The following RSPH4A variants were observed in gnomAD, a reference collection of about 807,000 sequenced individuals.
The protein encoded by RSPH4A is radial spoke head protein 4 homolog A.
In RSPH4A, 47 loss-of-function variants were observed where a neutral mutation model predicts 71.0. The observed-to-expected ratio is 0.66, with a 90% CI of 0.52 to 0.84. RSPH4A has a LOEUF of 0.84. Ranked by LOEUF, RSPH4A falls within the 40% of genes least tolerant of loss-of-function variation. The pLI, the probability that RSPH4A is intolerant of heterozygous loss-of-function variation, is 0.00. For missense variants in RSPH4A, 793 were observed against 855.2 expected (o/e 0.93, Z 0.91); for synonymous variants, 282 against 302.3 (o/e 0.93, Z 0.70).
chr6:116,632,297 C>T lies in RSPH4A; in HGVS notation c.2007C>T (p.Tyr669=), dbSNP rs1157598414. Residue 669 remains tyrosine (Y), a synonymous_variant, in exon 6 of 6, where the codon TAC becomes TAT. Transcript: ENST00000229554. ...TTCCACCACCAGTTTATCAAGAATA[C>T]CCCAGTGGACCAGAAATTACAGAAA... The part of the protein sequence containing the change: ...PPVPPPVYQE[Y]PSGPEITEMD... 3 of 1,613,344 alleles carry T rather than the reference C, an allele frequency of 1.9e-6. No homozygotes were observed. Among genetic ancestry groups the T allele is most frequent in the South Asian group, 1.1e-5 (1 of 91,052 alleles).
At position 116,616,892 on chromosome 6, in the gene RSPH4A, C is replaced by A. The variant is rs1468824108; in HGVS notation, c.269C>A (p.Pro90His). The change falls in exon 1 of 6, where the codon CCC (proline) becomes CAC (histidine). Residue 90 changes from proline to histidine, a missense_variant. Coordinates refer to ENST00000229554, the MANE Select transcript of RSPH4A (RefSeq NM_001010892.3). The stretch of plus-strand genomic sequence containing the variant: ...CCTGCTCCTGTCTCTCCGCGGGAGC[C>A]CTCTTCCTCTCCTTCTCCCCTGGCT... ...SSPAPVSPREPSSSPSPLAPA... is the reference protein window; with the variant it reads ...SSPAPVSPREHSSSPSPLAPA... The A allele has an allele frequency of 6.2e-7, 1 of 1,614,128 alleles. No homozygotes were observed. Among genetic ancestry groups the A allele is most frequent in the Non-Finnish European group, 8.5e-7 (1 of 1,180,026 alleles).
At chr6:116,624,015 A>C (rs1285484661) in intron 2 of RSPH4A, among the ~76,000 whole-genome samples, 1 of 152,204 alleles carries the variant, frequency 6.6e-6, no homozygotes, top group African/African-American at 2.4e-5. Context: ...ATATACTTGT[A>C]ATTTGTTCAC....
intron 2 of RSPH4A, 121 bp from the exon 3 acceptor site, chr6:116,627,508 A>G (rs1484121465): frequency 2.2e-6 from 2 of 897,888 alleles, no homozygotes; most frequent in East Asian, 2.5e-5. Flanking sequence ...TTTGATCTAA[A>G]TCTTGAGAGA....
In RSPH4A at chr6:116,622,913, C is replaced by T. The variant is rs962694294; in HGVS notation, c.832C>T (p.Leu278Phe). The T allele has an allele frequency of 2.2e-5, 36 of 1,613,680 alleles. No individual in the cohort carries two copies. Among genetic ancestry groups the T allele is most frequent in the Non-Finnish European group, 3.0e-5 (35 of 1,179,806 alleles). Residue 278 changes from leucine (L) to phenylalanine (F), a missense_variant, in exon 2 of 6, where the codon CTT (leucine) becomes TTT (phenylalanine). Physicochemically the swap from Leu to Phe is conservative, Grantham distance 22. Transcript: ENST00000229554. ...FDALQNENEL[L>F]PTYEIAEKQK... ...TGCACTACAAAATGAGAATGAGTTGCTTCCAACATATGAAATAGCAGAAAA... is the reference window on the plus strand; with the variant it reads ...TGCACTACAAAATGAGAATGAGTTGTTTCCAACATATGAAATAGCAGAAAA...
In RSPH4A at chr6:116,628,366, T is replaced by C; in HGVS notation, c.1659T>C (p.Ser553=). ...TTCATCATGTACAGCATATTCTCTC[T>C]CAGGTAGGAGCTTTGCACTTCTCAA... The part of the protein sequence containing the change: ...NWVHHVQHIL[S]QGRCNWFNSI... The change falls in exon 3 of 6, where the codon TCT becomes TCC. Residue 553 remains serine (S), a synonymous_variant. Transcript: ENST00000229554. The C allele has an allele frequency of 6.2e-7, 1 of 1,610,848 alleles. No homozygotes were observed. The highest frequency in any genetic ancestry group is 8.5e-7 in the Non-Finnish European group (1 of 1,177,620).
Position 116,632,252 on chromosome 6 carries a change from A to G in RSPH4A, c.1962A>G (p.Pro654=). Residue 654 remains proline (P), a synonymous_variant, in exon 6 of 6, where the codon CCA becomes CCG. Coordinates refer to ENST00000229554, the MANE Select transcript of RSPH4A (RefSeq NM_001010892.3). ...FYIGWGHKYS[P]DNYTPPVPPP... is the part of the protein sequence containing the mutation. ...TAGGCTGGGGTCATAAGTATAGTCC[A>G]GACAATTATACACCCCCAGTTCCAC... The G allele has an allele frequency of 6.2e-7, 1 of 1,612,282 alleles. No individual in the cohort carries two copies. Among genetic ancestry groups the G allele is most frequent in the Non-Finnish European group, 8.5e-7 (1 of 1,179,776 alleles).
At chr6:116,632,006 C>T (rs1775811983) in intron 5 of RSPH4A, among the ~76,000 whole-genome samples, 2 of 150,888 alleles carry the variant, frequency 1.3e-5, no homozygotes, top group South Asian at 2.1e-4. Context: ...TTTTTTTTAA[C>T]CAGCTTAGGC....
At chr6:116,622,072 A>C (rs784127) in intron 1 of RSPH4A, among the ~76,000 whole-genome samples, 1,551 of 152,332 alleles carry the variant, frequency 0.01, 18 homozygotes, top group Non-Finnish European at 0.014. Flanking sequence ...ATAGAACAAA[A>C]TATTAGAGTG....
At chr6:116,621,684 A>T (rs1017752151) in intron 1 of RSPH4A, among the ~76,000 whole-genome samples, 1 of 152,182 alleles carries the variant, frequency 6.6e-6, no homozygotes, top group African/African-American at 2.4e-5. Context: ...GAGAGAAATT[A>T]TATATATGGT....
At chr6:116,627,420 T>C (rs1775714137) in intron 2 of RSPH4A, among the ~76,000 whole-genome samples, 1 of 152,134 alleles carries the variant, frequency 6.6e-6, no homozygotes, top group Non-Finnish European at 1.5e-5. Flanking sequence ...AGTCTTGAAC[T>C]CCTGATCTCA....
rs751582126 is a variant in RSPH4A at position 116,629,602 on chromosome 6, TGAGGAAGAAGAA to T, written c.1710_1721del (p.Glu570_Glu573del). The stretch of plus-strand genomic sequence containing the variant: ...ATTGGTTCAACTCCATACAAAAAAA[TGAGGAAGAAGAA>T]GAGGAAGAAGATGAAGAAAAAGACG... On this transcript the variant is annotated inframe_deletion, in exon 4 of 6. Transcript: ENST00000229554. 1.4e-5 allele frequency: 23 copies of T among 1,612,758 alleles called. No individual in the cohort carries two copies. Among genetic ancestry groups the T allele is most frequent in the Non-Finnish European group, 2.0e-5 (23 of 1,178,958 alleles).
rs765312681 is a variant in RSPH4A, at chr6:116,627,953, G to A, written c.1246G>A (p.Ala416Thr). 1.2e-6 allele frequency: 2 copies of A among 1,614,150 alleles called. No homozygotes were observed. The highest frequency in any genetic ancestry group is 1.7e-6 in the Non-Finnish European group (2 of 1,180,024). ...AAAGTCCTTTTACAAGGCCCCACAG[G>A]CTATACCAAAAGAAGAAAGTAGAAC... ...LPKSFYKAPQ[A>T]IPKEESRTGA... Residue 416 changes from alanine (A) to threonine (T), a missense_variant, in exon 3 of 6, where the codon GCT becomes ACT. Physicochemically the swap from Ala to Thr is moderately conservative, Grantham distance 58. Transcript: ENST00000229554.
rs775326896 is a variant in RSPH4A, at chr6:116,628,117, C to T, written c.1410C>T (p.Ile470=). The T allele has an allele frequency of 7.4e-6, 12 of 1,614,186 alleles. 1 individual carries two copies. Among genetic ancestry groups the T allele is most frequent in the Non-Finnish European group, 1.0e-5 (12 of 1,180,040 alleles). ...TCACTGGGCGATTGGATGCTCCCATCATAAGCTACCCACCTTTCCCAGGAA... is the reference window on the plus strand; with the variant it reads ...TCACTGGGCGATTGGATGCTCCCATTATAAGCTACCCACCTTTCCCAGGAA... ...KFFTGRLDAP[I]ISYPPFPGNE... Residue 470 remains isoleucine (I), a synonymous_variant, in exon 3 of 6, where the codon ATC becomes ATT. Coordinates refer to ENST00000229554, the MANE Select transcript of RSPH4A (RefSeq NM_001010892.3).
rs761126105 is a variant in RSPH4A, at chr6:116,629,615, G to A, written c.1711G>A (p.Glu571Lys). 1.6e-5 allele frequency: 25 copies of A among 1,612,784 alleles called. No individual in the cohort carries two copies. The highest frequency in any genetic ancestry group is 2.0e-5 in the Non-Finnish European group (24 of 1,178,840). ...CATACAAAAAAATGAGGAAGAAGAA[G>A]AGGAAGAAGATGAAGAAAAAGACGA... ...NSIQKNEEEE[E>K]EEDEEKDDSD... Residue 571 changes from glutamate to lysine, a missense_variant, in exon 4 of 6, where the codon GAG becomes AAG. Glu to Lys is a moderately conservative substitution (Grantham distance 56). Transcript: ENST00000229554.
chr6:116,620,644 A>G (rs1775588291), intron 1 of RSPH4A, among the ~76,000 whole-genome samples: 1 of 152,204 alleles, frequency 6.6e-6, no homozygotes, highest in South Asian at 2.1e-4. Flanking sequence ...ATATTTCATA[A>G]TTTGACACAA....
intron 4 of RSPH4A, among the ~76,000 whole-genome samples, chr6:116,630,136 C>T (rs1173784168): frequency 6.6e-6 from 1 of 151,762 alleles, no homozygotes; most frequent in East Asian, 1.9e-4. Flanking sequence ...AATGATGTAC[C>T]TTTCATTGGG....
chr6:116,625,806 T>C (rs1267549216), intron 2 of RSPH4A, among the ~76,000 whole-genome samples: 2 of 152,002 alleles, frequency 1.3e-5, no homozygotes, highest in Non-Finnish European at 2.9e-5. Flanking sequence ...AAAGAGTACA[T>C]AGAAAAAAGA....
Position 116,632,198 on chromosome 6 carries a change from T to A in RSPH4A, c.1917-9T>A. 6.3e-7 allele frequency: 1 copy of A among 1,587,856 alleles called. No homozygotes were observed. Among genetic ancestry groups the A allele is most frequent in the South Asian group, 1.1e-5 (1 of 88,940 alleles). ...GATCTTTTTTTCTTCTTCTTTTTCT[T>A]ACTTATAGAAAGTTTGAAAATTTCT... On this transcript the variant is annotated splice_polypyrimidine_tract_variant and intron_variant, in intron 5 of 5. Transcript: ENST00000229554.
chr6:116,617,197 T>A lies in RSPH4A; in HGVS notation c.574T>A (p.Leu192Ile), dbSNP rs754915761. 5 of 1,614,040 alleles carry A rather than the reference T, an allele frequency of 3.1e-6. No homozygotes were observed. Among genetic ancestry groups the A allele is most frequent in the Non-Finnish European group, 3.4e-6 (4 of 1,180,050 alleles). The change falls in exon 1 of 6, where the codon TTA becomes ATA. Residue 192 changes from leucine to isoleucine, a missense_variant. Leu to Ile is a conservative substitution (Grantham distance 5). Coordinates refer to ENST00000229554, the MANE Select transcript of RSPH4A (RefSeq NM_001010892.3). ...QEEDSNSDYD[L>I]QQPAPGGSEV... ...GGAAGACTCAAACAGTGACTATGATTTACAGCAGCCGGCGCCTGGGGGCTC... is the reference window on the plus strand; with the variant it reads ...GGAAGACTCAAACAGTGACTATGATATACAGCAGCCGGCGCCTGGGGGCTC...
Sources: gnomAD v4.1 joint callset for allele counts (sites outside exome capture counted in the v4.1 genomes callset) on GRCh38, gnomAD v4.1.1 for gene constraint, MANE v1.5 for transcripts, NCBI Gene and HGNC (gene_info 2026-07-23, HGNC 2026-07-21) for gene names.